NCLN: variants seen among roughly 807,000 people sequenced by gnomAD.
NCLN encodes the protein nicalin.
In NCLN, 34 loss-of-function variants were observed where a neutral mutation model predicts 69.5. The ratio of observed to expected loss-of-function variants is 0.49; its 90% confidence interval spans 0.37 to 0.65. NCLN has a LOEUF of 0.65. Among genes scored for constraint, NCLN ranks in the 30% least tolerant of loss-of-function variants. The pLI, the probability that NCLN is intolerant of heterozygous loss-of-function variation, is 0.00. For synonymous variants in NCLN, 393 were observed against 358.3 expected, an observed-to-expected ratio of 1.10 and a Z score of -1.09; for missense variants, 710 against 804.8, an observed-to-expected ratio of 0.88 and a Z score of 1.42.
intron 1 of NCLN, 32 bp from the exon 2 acceptor site, chr19:3,192,438 C>T (rs750080785): frequency 2.4e-5 from 37 of 1,540,458 alleles, no homozygotes; most frequent in Middle Eastern, 4.0e-4. Flanking sequence ...GGCCACCCGC[C>T]GAGGCTCACG....
chr19:3,198,962 C>T (rs1486993689), intron 5 of NCLN, 65 bp downstream of exon 5: 18 of 1,184,816 alleles, frequency 1.5e-5, no homozygotes, highest in African/African-American at 6.3e-5. Flanking sequence ...AGTCCAGTGC[C>T]GAGGCAAAGC....
At chr19:3,203,982 C>A (rs529015549) in intron 7 of NCLN, 23 bp from the exon 8 acceptor site, 1 of 1,550,002 alleles carries the variant, frequency 6.5e-7, no homozygotes, top group Non-Finnish European at 8.7e-7. Flanking sequence ...CCACCCACCC[C>A]GCCAGCTCTC....
chr19:3,203,831 C>A lies in NCLN; in HGVS notation c.876C>A (p.Asn292Lys). The A allele has an allele frequency of 6.2e-7, 1 of 1,613,020 alleles. No individual in the cohort carries two copies. The highest frequency in any genetic ancestry group is 2.2e-5 in the East Asian group (1 of 44,874). Residue 292 changes from asparagine to lysine, a missense_variant, in exon 7 of 15, where the codon AAC (asparagine) becomes AAA (lysine). By Grantham distance (94) the Asn-to-Lys change is moderately conservative. Coordinates refer to ENST00000246117, the MANE Select transcript of NCLN (RefSeq NM_020170.4). ...YQGTKRWLED[N>K]LDHTDSSLLQ... ...GAACCAAGCGCTGGCTGGAAGACAA[C>A]CTGGACCACACAGGTGAGCGGCCCC...
chr19:3,200,589 C>T (rs188286260), intron 5 of NCLN, among the ~76,000 whole-genome samples: 73 of 152,250 alleles, frequency 4.8e-4, no homozygotes, highest in Middle Eastern at 3.4e-3. Context: ...GGATTACAGG[C>T]GTGAGCCACC....
intron 1 of NCLN, among the ~76,000 whole-genome samples, chr19:3,189,370 G>T (rs1217363243): frequency 6.6e-6 from 1 of 152,244 alleles, no homozygotes; most frequent in Admixed American, 6.5e-5. Flanking sequence ...GTCACGTCTG[G>T]CTCTCTGCCT....
At position 3,205,710 on chromosome 19, in the gene NCLN, C is replaced by T. The variant is rs1046248552; in HGVS notation, c.1209-229C>T. ...GGAACCAAGGCCTCAGGGCGTGAGC[C>T]TTACCTGCGCACAGGGACGGGTCAG... On this transcript the variant is annotated intron_variant, in intron 9 of 14. Coordinates refer to ENST00000246117, the MANE Select transcript of NCLN (RefSeq NM_020170.4). The surrounding 1 kb of genome is among the most constrained non-coding windows in gnomAD (Gnocchi z 4.6). The T allele has an allele frequency of 3.6e-5, 20 of 554,590 alleles. No homozygotes were observed. The highest frequency in any genetic ancestry group is 5.8e-5 in the Non-Finnish European group (18 of 312,942). 34.4% of individuals were successfully genotyped at this position (554,590 alleles called of 1,614,324 possible).
intron 1 of NCLN, among the ~76,000 whole-genome samples, chr19:3,190,305 G>A (rs1915784506): frequency 6.6e-6 from 1 of 152,166 alleles, no homozygotes; most frequent in Non-Finnish European, 1.5e-5. Flanking sequence ...GGCCTGGGGT[G>A]CGTGGGCCCC....
At chr19:3,203,882 G>C (rs779804733) in intron 7 of NCLN, 38 bp downstream of exon 7, 2 of 1,602,158 alleles carry the variant, frequency 1.2e-6, no homozygotes, top group Non-Finnish European at 1.7e-6. Context: ...TGCCGCGGTG[G>C]TGGTGCCGTG....
At chr19:3,189,454 G>A (rs1402434700) in intron 1 of NCLN, among the ~76,000 whole-genome samples, 2 of 152,250 alleles carry the variant, frequency 1.3e-5, no homozygotes, top group Non-Finnish European at 2.9e-5. Context: ...CTGCTTCCAC[G>A]CAGAAACAGC....
rs1915852064 is a variant in NCLN, at chr19:3,192,485, T to C, written c.200T>C (p.Val67Ala). Reference protein sequence around the residue: ...QGQPYGTRNAVLNTEARTMAA... With the variant: ...QGQPYGTRNAALNTEARTMAA... ...GTGCCCACAGGCACACGGAATGCAG[T>C]GCTGAACACGGAGGCGCGCACGATG... is the stretch of plus-strand genomic sequence containing the variant. Residue 67 changes from valine (V) to alanine (A), a missense_variant, in exon 2 of 15, where the codon GTG (valine) becomes GCG (alanine). Val to Ala is a moderately conservative substitution (Grantham distance 64). Coordinates refer to ENST00000246117, the MANE Select transcript of NCLN (RefSeq NM_020170.4). 6.2e-7 allele frequency: 1 copy of C among 1,603,388 alleles called. No individual in the cohort carries two copies. The highest frequency in any genetic ancestry group is 8.5e-7 in the Non-Finnish European group (1 of 1,177,018).
chr19:3,208,839 G>T lies in NCLN; in HGVS notation c.*1151G>T, dbSNP rs1340712909. On this transcript the variant is annotated 3_prime_UTR_variant, in exon 15 of 15. Coordinates refer to ENST00000246117, the MANE Select transcript of NCLN (RefSeq NM_020170.4). ...CCCTTCCTGGAACTCAGAGAGGAAG[G>T]TCCGGGCCCTCGGGAAGCCTTGGAC... 1.3e-5 allele frequency: 2 copies of T among 152,376 alleles called. No individual in the cohort carries two copies. The highest frequency in any genetic ancestry group is 4.8e-5 in the African/African-American group (2 of 41,442). The allele number at this position is 152,376 out of a possible 1,614,324, so 9.4% of individuals were successfully genotyped here. A position where few individuals can be genotyped will look rare whatever the true frequency, so the allele number is the denominator to read the frequency against.
chr19:3,206,479 C>G, intron 12 of NCLN, 54 bp downstream of exon 12: 1 of 1,502,380 alleles, frequency 6.7e-7, no homozygotes, highest in African/African-American at 1.4e-5. Context: ...AGGGGGACCT[C>G]CCCCTACTGC....
chr19:3,189,944 G>A (rs1915770167), intron 1 of NCLN, among the ~76,000 whole-genome samples: 1 of 152,248 alleles, frequency 6.6e-6, no homozygotes, highest in Non-Finnish European at 1.5e-5. Flanking sequence ...AGCTCTGGGT[G>A]CTGGTGTCCC....
intron 1 of NCLN, among the ~76,000 whole-genome samples, chr19:3,188,218 T>C (rs551749352): frequency 5.3e-5 from 8 of 152,044 alleles, no homozygotes; most frequent in African/African-American, 1.4e-4. Flanking sequence ...TGTGATCTGG[T>C]GGCTGCTACA....
At chr19:3,203,062 T>A (rs1916167670) in intron 6 of NCLN, among the ~76,000 whole-genome samples, 1 of 152,148 alleles carries the variant, frequency 6.6e-6, no homozygotes, top group Admixed American at 6.5e-5. Context: ...ATGCCTATAA[T>A]CCCAGCACTT....
intron 4 of NCLN, 83 bp from the exon 5 acceptor site, chr19:3,198,734 C>G (rs1245119984): frequency 8.6e-7 from 1 of 1,167,570 alleles, no homozygotes; most frequent in African/African-American, 1.6e-5. Context: ...CCACGTGGCC[C>G]AGAGGGGAGG....
In NCLN at chr19:3,196,959, G is replaced by A. The variant is rs976619716; in HGVS notation, c.615+682G>A. On this transcript the variant is annotated intron_variant, in intron 4 of 14. Coordinates refer to ENST00000246117, the MANE Select transcript of NCLN (RefSeq NM_020170.4). Reference sequence around the variant, plus strand: ...CTGAACAAGACGTGCTTGCTGTTTTGGGGACCCAGGCCTTGTTGGGGGGTG... The same window carrying A: ...CTGAACAAGACGTGCTTGCTGTTTTAGGGACCCAGGCCTTGTTGGGGGGTG... 3.3e-5 allele frequency among the ~76,000 whole-genome samples: 5 copies of A among 152,242 alleles called. No individual in the cohort carries two copies. The East Asian group carries it at 7.7e-4, about 23-fold the overall frequency.
At chr19:3,188,072 G>T (rs939906087) in intron 1 of NCLN, among the ~76,000 whole-genome samples, 2 of 152,024 alleles carry the variant, frequency 1.3e-5, no homozygotes, top group African/African-American at 4.8e-5. Flanking sequence ...CTCTCATAGC[G>T]GCTTCCGTGG....
chr19:3,200,239 G>A (rs771245984), intron 5 of NCLN, among the ~76,000 whole-genome samples: 1 of 151,972 alleles, frequency 6.6e-6, no homozygotes, highest in African/African-American at 2.4e-5. Flanking sequence ...ATGAGCCACC[G>A]CGCCCACTGC....
Sources: gnomAD v4.1 joint callset for allele counts (sites outside exome capture counted in the v4.1 genomes callset) on GRCh38, gnomAD v4.1.1 for gene constraint, Gnocchi (gnomAD v3.1) non-coding constraint, MANE v1.5 for transcripts, NCBI Gene and HGNC (gene_info 2026-07-23, HGNC 2026-07-21) for gene names.